CSMD2: variants seen among roughly 807,000 people sequenced by gnomAD.
CSMD2 encodes CUB and sushi domain-containing protein 2.
In CSMD2, 130 loss-of-function variants were observed where a neutral mutation model predicts 398.5. The observed-to-expected ratio is 0.33, with a 90% CI of 0.28 to 0.38. The LOEUF is 0.38. CSMD2 is among the 10% of genes least tolerant of loss of function. CSMD2 has a pLI of 1.00. For synonymous variants in CSMD2, 1,828 were observed against 1,908.5 expected, an observed-to-expected ratio of 0.96 and a Z score of 1.10; for missense variants, 3,829 against 4,764.9, an observed-to-expected ratio of 0.80 and a Z score of 5.78.
In CSMD2 at chr1:33,572,787, A is replaced by G. The variant is rs1659713469; in HGVS notation, c.7577-96T>C. The G allele has an allele frequency of 3.2e-6, 3 of 934,148 alleles. No homozygotes were observed. The Admixed American group carries it at 9.5e-5, about 30-fold the overall frequency. 57.9% of individuals were successfully genotyped at this position (934,148 alleles called of 1,614,324 possible). A position where few individuals can be genotyped will look rare whatever the true frequency, so the allele number is the denominator to read the frequency against. On this transcript the variant is annotated intron_variant, in intron 49 of 70. Coordinates refer to ENST00000373381, the MANE Select transcript of CSMD2 (RefSeq NM_001281956.2). ...CCTCCCCTCCCAAGGTCCTTTTATTAGTAAAAACTAATTAAAGGGTAAAGT... is the reference window on the plus strand; with the variant it reads ...CCTCCCCTCCCAAGGTCCTTTTATTGGTAAAAACTAATTAAAGGGTAAAGT...
chr1:34,139,271 T>C (rs1639047081), intron 1 of CSMD2, among the ~76,000 whole-genome samples: 1 of 152,016 alleles, frequency 6.6e-6, no homozygotes, highest in Non-Finnish European at 1.5e-5. Context: ...AGTGGTGGCT[T>C]TGTAAGAAGA....
Position 33,725,458 on chromosome 1 carries a change from G to A in CSMD2, c.2586C>T (p.Tyr862=), listed in dbSNP as rs1646498693. 1.2e-6 allele frequency: 2 copies of A among 1,614,218 alleles called. No homozygotes were observed. Among genetic ancestry groups the A allele is most frequent in the East Asian group, 2.2e-5 (1 of 44,890 alleles). Residue 862 remains tyrosine (Y), a synonymous_variant, in exon 17 of 71, where the codon TAC becomes TAT. Transcript: ENST00000373381. ...RTYSAPLIGV[Y]HGTQVPQFLI... Reference sequence around the variant, plus strand: ...GGAACTGGGGAACCTGGGTCCCGTGGTAAACCCCGATCAAGGGCGCTGAGT... The same window carrying A: ...GGAACTGGGGAACCTGGGTCCCGTGATAAACCCCGATCAAGGGCGCTGAGT...
chr1:33,517,628 G>T (rs1489923148), intron 70 of CSMD2, among the ~76,000 whole-genome samples: 1 of 152,194 alleles, frequency 6.6e-6, no homozygotes, highest in Non-Finnish European at 1.5e-5. Flanking sequence ...AACTTGAGGA[G>T]TAATTTTGGC....
At chr1:33,848,854 T>C (rs1166164458) in intron 5 of CSMD2, among the ~76,000 whole-genome samples, 1 of 143,310 alleles carries the variant, frequency 7.0e-6, no homozygotes, top group Non-Finnish European at 1.5e-5. Flanking sequence ...TCTATCTCAA[T>C]GACAAAGCTT....
intron 43 of CSMD2, among the ~76,000 whole-genome samples, chr1:33,601,755 C>T (rs1429339102): frequency 6.6e-6 from 1 of 152,252 alleles, no homozygotes; most frequent in Non-Finnish European, 1.5e-5. Context: ...AACTACATAA[C>T]TCAGAGCTGA....
At chr1:34,131,115 G>A (rs1051946564) in intron 1 of CSMD2, among the ~76,000 whole-genome samples, 5 of 151,990 alleles carry the variant, frequency 3.3e-5, no homozygotes, top group African/African-American at 1.2e-4. Context: ...CTTCATTTTT[G>A]TTAAACATTA....
At chr1:33,548,615 G>A (rs1047493071) in intron 56 of CSMD2, among the ~76,000 whole-genome samples, 5 of 152,182 alleles carry the variant, frequency 3.3e-5, no homozygotes, top group African/African-American at 1.2e-4. Flanking sequence ...TGCAAAAGAC[G>A]ACATTGTTTC....
Position 33,941,069 on chromosome 1 carries a change from T to G in CSMD2, c.518-5115A>C, listed in dbSNP as rs185366791. 7.9e-5 allele frequency among the ~76,000 whole-genome samples: 12 copies of G among 152,266 alleles called. 1 individual carries two copies. Among genetic ancestry groups the G allele is most frequent in the African/African-American group, 2.6e-4 (11 of 41,546 alleles). ...GCTCTCCCATCTATAAAGCTTCCCT[T>G]TGATTGCTTACCAAATGAAGAGGGG... On this transcript the variant is annotated intron_variant, in intron 3 of 70. Coordinates refer to ENST00000373381, the MANE Select transcript of CSMD2 (RefSeq NM_001281956.2).
At position 33,680,918 on chromosome 1, in the gene CSMD2, C is replaced by CTTTTTTTTTTTT. The variant is rs66489770; in HGVS notation, c.4052+12000_4052+12011dup. Among the ~76,000 whole-genome samples the CTTTTTTTTTTTT allele has an allele frequency of 2.1e-3, 159 of 75,934 alleles. 5 individuals are homozygous for CTTTTTTTTTTTT. The highest frequency in any genetic ancestry group is 2.4e-3 in the Non-Finnish European group (106 of 44,524). The allele number at this position is 75,934 out of a possible 152,430, so 49.8% of individuals were successfully genotyped here. A position where few individuals can be genotyped will look rare whatever the true frequency, so the allele number is the denominator to read the frequency against. ...CTTATTTCCATCATCCTGTTTTATGCTTTTTTTTTTTTTTTTTTTTTTTTG... is the reference window on the plus strand; with the variant it reads ...CTTATTTCCATCATCCTGTTTTATGCTTTTTTTTTTTTTTTTTTTTTTTTTTTTTTTTTTTTG... On this transcript the variant is annotated intron_variant, in intron 25 of 70. Transcript: ENST00000373381.
chr1:33,545,028 C>A (rs138153198), intron 57 of CSMD2, among the ~76,000 whole-genome samples: 597 of 152,234 alleles, frequency 3.9e-3, no homozygotes, highest in Middle Eastern at 6.8e-3. Context: ...ACTGCTCTCA[C>A]TTTAAATTAA....
chr1:34,136,199 C>T (rs925140004), intron 1 of CSMD2, among the ~76,000 whole-genome samples: 1 of 152,196 alleles, frequency 6.6e-6, no homozygotes, highest in Non-Finnish European at 1.5e-5. Flanking sequence ...AACTTAAAAA[C>T]TATTTCACTG....
intron 3 of CSMD2, among the ~76,000 whole-genome samples, chr1:33,950,909 A>G (rs1199813946): frequency 6.6e-6 from 1 of 152,184 alleles, no homozygotes; most frequent in East Asian, 1.9e-4. Flanking sequence ...TGTTGACCTC[A>G]TTGTTCCACC....
At chr1:33,774,792 T>C (rs79102263) in intron 12 of CSMD2, among the ~76,000 whole-genome samples, 2,827 of 152,270 alleles carry the variant, frequency 0.019, 102 homozygotes, top group African/African-American at 0.063. Flanking sequence ...CTGCCCAGCC[T>C]TCCCATCGTG....
At chr1:34,122,194 T>C (rs1571189038) in intron 1 of CSMD2, among the ~76,000 whole-genome samples, 1 of 152,046 alleles carries the variant, frequency 6.6e-6, no homozygotes, top group Admixed American at 6.6e-5. Context: ...AGCTGGTGGG[T>C]GGATTCTGAA....
In CSMD2 at chr1:33,692,929, C is replaced by A. The variant is rs1437722629; in HGVS notation, c.4052+1G>T. On this transcript the variant is annotated splice_donor_variant, in intron 25 of 70. Coordinates refer to ENST00000373381, the MANE Select transcript of CSMD2 (RefSeq NM_001281956.2). LOFTEE classifies it high-confidence loss of function. ...GTTACTTTGTCAGCCCTGACACTTA[C>A]CCAATGGTGCAGCCGGCCTCTGCTT... 6.2e-7 allele frequency: 1 copy of A among 1,609,442 alleles called. No homozygotes were observed. The highest frequency in any genetic ancestry group is 8.5e-7 in the Non-Finnish European group (1 of 1,178,062).
rs150171514 is a variant in CSMD2, at chr1:33,617,616, C to A, written c.5829G>T (p.Thr1943=). 6.2e-7 allele frequency: 1 copy of A among 1,612,288 alleles called. No homozygotes were observed. The highest frequency in any genetic ancestry group is 8.5e-7 in the Non-Finnish European group (1 of 1,178,360). ...GTTCCGGACAACTGCTCAGGCCCACCGCTAGACAAGACAGAGACAGAAGGA... is the reference window on the plus strand; with the variant it reads ...GTTCCGGACAACTGCTCAGGCCCACAGCTAGACAAGACAGAGACAGAAGGA... The part of the protein sequence containing the change: ...SAAGFHLEYK[T]VGLSSCPEPA... Residue 1943 remains threonine, a splice_region_variant and synonymous_variant, in exon 38 of 71, where the codon ACG becomes ACT. Transcript: ENST00000373381.
At chr1:33,807,065 A>G (rs1206674004) in intron 10 of CSMD2, among the ~76,000 whole-genome samples, 2 of 152,254 alleles carry the variant, frequency 1.3e-5, no homozygotes, top group African/African-American at 4.8e-5. Context: ...GTGAAACTAC[A>G]TAACATTAAA....
chr1:33,714,546 A>G (rs1199215055), intron 21 of CSMD2, 41 bp downstream of exon 21: 2 of 1,601,216 alleles, frequency 1.2e-6, no homozygotes, highest in South Asian at 2.2e-5. Context: ...AATCTGTCCC[A>G]CCCCATTAGT....
At chr1:33,869,250 C>T (rs1640272688) in intron 5 of CSMD2, 1 of 152,172 alleles carries the variant, frequency 6.6e-6, no homozygotes, top group African/African-American at 2.4e-5. Flanking sequence ...CCCCTCTGCC[C>T]CTCTAAAGGA....
Sources: allele counts gnomAD v4.1 joint callset (sites outside exome capture counted in the v4.1 genomes callset), GRCh38; gene constraint gnomAD v4.1.1; transcripts MANE v1.5; gene names NCBI Gene and HGNC (gene_info 2026-07-23, HGNC 2026-07-21).